Variants in NCALD observed in about 807,000 individuals in gnomAD.
NCALD encodes neurocalcin delta.
NCALD carries 10 observed loss-of-function variants against 18.6 expected under a neutral mutation model. The observed-to-expected ratio is 0.54, with a 90% CI of 0.33 to 0.91. NCALD has a LOEUF of 0.91. NCALD is among the 40% of genes least tolerant of loss of function. The pLI is 0.03. For synonymous variants in NCALD, 88 were observed against 87.4 expected, an observed-to-expected ratio of 1.01 and a Z score of -0.04; for missense variants, 184 against 247.6, an observed-to-expected ratio of 0.74 and a Z score of 1.72.
chr8:102,019,857 A>G (rs1822213154), intron 2 of NCALD, among the ~76,000 whole-genome samples: 1 of 152,210 alleles, frequency 6.6e-6, no homozygotes, highest in South Asian at 2.1e-4. Flanking sequence ...AGCATTTAAT[A>G]AAATTCAACA....
chr8:101,966,734 A>G (rs1482665976), intron 2 of NCALD, among the ~76,000 whole-genome samples: 6 of 152,156 alleles, frequency 3.9e-5, no homozygotes, highest in African/African-American at 1.4e-4. Context: ...CCAATCTAAA[A>G]CTTTCATATT....
intron 1 of NCALD, among the ~76,000 whole-genome samples, chr8:102,120,377 C>G (rs1343121940): frequency 6.6e-6 from 1 of 152,184 alleles, no homozygotes; most frequent in East Asian, 1.9e-4. Flanking sequence ...GGAATAGACA[C>G]AGGACCCAAT....
At chr8:101,804,341 A>G (rs1812985784) in intron 4 of NCALD, among the ~76,000 whole-genome samples, 1 of 27,346 alleles carries the variant, frequency 3.7e-5, no homozygotes, top group South Asian at 1.7e-3. Flanking sequence ...TATATCAATT[A>G]TATATTATAT....
At chr8:101,834,161 G>A (rs1257121077) in intron 4 of NCALD, among the ~76,000 whole-genome samples, 1 of 152,242 alleles carries the variant, frequency 6.6e-6, no homozygotes, top group Non-Finnish European at 1.5e-5. Context: ...TGGCTTGAGG[G>A]AGAAAGGGAG....
intron 1 of NCALD, among the ~76,000 whole-genome samples, chr8:102,111,712 C>T (rs1411168683): frequency 6.6e-6 from 1 of 152,036 alleles, no homozygotes; most frequent in Admixed American, 6.6e-5. Context: ...TATTTAAGGC[C>T]CTATCTCAAA....
At chr8:101,989,110 AC>A (rs1820947146) in intron 2 of NCALD, among the ~76,000 whole-genome samples, 1 of 152,184 alleles carries the variant, frequency 6.6e-6, no homozygotes, top group South Asian at 2.1e-4. Context: ...TTGGTGCTCT[AC>A]TGGGACTGAA....
At chr8:102,095,303 T>G (rs1825056006) in intron 1 of NCALD, among the ~76,000 whole-genome samples, 1 of 152,106 alleles carries the variant, frequency 6.6e-6, no homozygotes, top group Non-Finnish European at 1.5e-5. Context: ...TGGCTTGTGC[T>G]AAAGAACTGA....
chr8:101,727,495 G>T (rs939935894), intron 1 of NCALD, among the ~76,000 whole-genome samples: 1 of 152,008 alleles, frequency 6.6e-6, no homozygotes, highest in Non-Finnish European at 1.5e-5. Context: ...ACAGGGTCTC[G>T]CAATGTCACC....
At chr8:102,009,233 T>G (rs144093717) in intron 2 of NCALD, among the ~76,000 whole-genome samples, 4 of 152,350 alleles carry the variant, frequency 2.6e-5, no homozygotes, top group Non-Finnish European at 4.4e-5. Context: ...GGTGGTCCAA[T>G]GACCTTTCTA....
At chr8:101,871,079 G>A (rs1815998679) in intron 4 of NCALD, among the ~76,000 whole-genome samples, 1 of 152,110 alleles carries the variant, frequency 6.6e-6, no homozygotes, top group Admixed American at 6.5e-5. Context: ...TGCAATTCAT[G>A]TGCTCTGAGC....
intron 4 of NCALD, chr8:101,872,083 G>T: frequency 1.3e-6 from 2 of 1,513,194 alleles, no homozygotes; most frequent in South Asian, 2.3e-5. Context: ...AGGATAATTG[G>T]GTATGCAGGT....
intron 4 of NCALD, chr8:101,872,402 C>T: frequency 1.4e-6 from 2 of 1,459,188 alleles, no homozygotes; most frequent in Non-Finnish European, 1.9e-6. Context: ...AAAGTCATAT[C>T]TTCGTATGTT....
chr8:101,700,853 G>A lies in NCALD; in HGVS notation c.379-7957C>T, dbSNP rs148889589. 1.9e-3 allele frequency among the ~76,000 whole-genome samples: 286 copies of A among 152,272 alleles called. 4 individuals are homozygous for A. Among genetic ancestry groups the A allele is most frequent in the African/African-American group, 5.7e-3 (236 of 41,548 alleles). ...TTCCCCCACAAAATGAACGGCGTCC[G>A]AAGTCCCCGATGTGAACATATGTGC... On this transcript the variant is annotated intron_variant, in intron 2 of 3. Coordinates refer to ENST00000220931, the MANE Select transcript of NCALD (RefSeq NM_032041.3).
intron 1 of NCALD, among the ~76,000 whole-genome samples, chr8:102,043,779 A>AAGC (rs894233822): frequency 1.3e-5 from 2 of 151,386 alleles, no homozygotes; most frequent in Non-Finnish European, 2.9e-5. Context: ...GCAGCAGCAG[A>AAGC]AGCAGCAGCA....
At chr8:101,897,321 T>C (rs1029284248) in intron 3 of NCALD, among the ~76,000 whole-genome samples, 1 of 144,914 alleles carries the variant, frequency 6.9e-6, no homozygotes, top group African/African-American at 2.6e-5. Flanking sequence ...AACAATGAGA[T>C]CACATGGACA....
At chr8:102,066,653 G>A (rs17500151) in intron 1 of NCALD, among the ~76,000 whole-genome samples, 9,354 of 152,348 alleles carry the variant, frequency 0.061, 423 homozygotes, top group Non-Finnish European at 0.093. Context: ...AGCAAGGCAG[G>A]TGTGTGCCCA....
intron 1 of NCALD, among the ~76,000 whole-genome samples, chr8:102,067,929 C>G (rs1824060217): frequency 6.6e-6 from 1 of 152,196 alleles, no homozygotes; most frequent in African/African-American, 2.4e-5. Flanking sequence ...TGCCAGAACT[C>G]TTTTCTCACA....
chr8:101,941,353 G>A (rs913046410), intron 2 of NCALD, among the ~76,000 whole-genome samples: 5 of 152,228 alleles, frequency 3.3e-5, no homozygotes, highest in African/African-American at 1.2e-4. Flanking sequence ...GCTCCTATGA[G>A]AATCCAAGGC....
chr8:101,748,654 T>C (rs546274289), intron 1 of NCALD, among the ~76,000 whole-genome samples: 1 of 152,210 alleles, frequency 6.6e-6, no homozygotes, highest in East Asian at 1.9e-4. Context: ...ATAACAACAC[T>C]CTGAAGATGG....
Sources: gnomAD v4.1 joint callset for allele counts (sites outside exome capture counted in the v4.1 genomes callset) on GRCh38, gnomAD v4.1.1 for gene constraint, MANE v1.5 for transcripts, NCBI Gene and HGNC (gene_info 2026-07-23, HGNC 2026-07-21) for gene names.